ELP4: variants seen among roughly 807,000 people sequenced by gnomAD.
ELP4 encodes the protein elongator acetyltransferase complex subunit 4.
A neutral mutation model predicts 48.9 loss-of-function variants in ELP4; 51 were observed. That is an observed-to-expected ratio of 1.04 (90% confidence interval 0.83 to 1.32). The LOEUF (loss-of-function observed/expected upper bound fraction) is 1.32. Ranked by LOEUF, ELP4 falls within the 40% of genes most tolerant of loss-of-function variation. The pLI, the probability that ELP4 is intolerant of heterozygous loss-of-function variation, is 0.00. For synonymous variants in ELP4, 210 were observed against 189.2 expected, an observed-to-expected ratio of 1.11 and a Z score of -0.90; for missense variants, 519 against 514.6, an observed-to-expected ratio of 1.01 and a Z score of -0.08.
chr11:31,592,010 T>C (rs1307975015), intron 3 of ELP4, among the ~76,000 whole-genome samples: 1 of 152,042 alleles, frequency 6.6e-6, no homozygotes, highest in Non-Finnish European at 1.5e-5. Context: ...AGGTCACGTA[T>C]TGTATGGTTC....
In ELP4 at chr11:31,515,039, A is replaced by G. The variant is rs200589728; in HGVS notation, c.224-5017A>G. Reference sequence around the variant, plus strand: ...TGTGTGTGTGTGTGTGTGTGTATATATATATATATATATATATGTATAGGT... The same window carrying G: ...TGTGTGTGTGTGTGTGTGTGTATATGTATATATATATATATATGTATAGGT... On this transcript the variant is annotated intron_variant, in intron 1 of 9. Transcript: ENST00000640961. 1.0e-2 allele frequency among the ~76,000 whole-genome samples: 1,459 copies of G among 146,198 alleles called. 38 individuals are homozygous for G. The highest frequency in any genetic ancestry group is 0.071 in the East Asian group (359 of 5,052).
rs138339873 is a variant in ELP4, at chr11:31,750,925, G to A, written c.1144-32468G>A. On this transcript the variant is annotated intron_variant, in intron 9 of 9. Coordinates refer to ENST00000640961, the MANE Select transcript of ELP4 (RefSeq NM_019040.5). ...GCAGACATGCATTTAACTGAAATGT[G>A]CAGAAGAAACATTCCTTTTCTTAAC... 6.5e-4 allele frequency among the ~76,000 whole-genome samples: 99 copies of A among 152,294 alleles called. No homozygotes were observed. In the Middle Eastern group the frequency reaches 0.02, roughly 31 times the overall value.
In ELP4 at chr11:31,784,682, T is replaced by A. The variant is rs925775305; in HGVS notation, c.*1158T>A. 4 of 158,248 alleles carry A rather than the reference T, an allele frequency of 2.5e-5. No individual in the cohort carries two copies. Among genetic ancestry groups the A allele is most frequent in the African/African-American group, 9.6e-5 (4 of 41,704 alleles). The allele number at this position is 158,248 out of a possible 1,614,324, so 9.8% of individuals were successfully genotyped here. A position where few individuals can be genotyped will look rare whatever the true frequency, so the allele number is the denominator to read the frequency against. ...GCTTTTAATATACCACAAATTATACTTTATTTGTTCTTGACAACATTGTAG... is the reference window on the plus strand; with the variant it reads ...GCTTTTAATATACCACAAATTATACATTATTTGTTCTTGACAACATTGTAG... On this transcript the variant is annotated 3_prime_UTR_variant, in exon 10 of 10. Coordinates refer to ENST00000640961, the MANE Select transcript of ELP4 (RefSeq NM_019040.5).
intron 9 of ELP4, chr11:31,719,507 T>C (rs1312088407): frequency 2.5e-6 from 1 of 398,186 alleles, no homozygotes; most frequent in Non-Finnish European, 4.4e-6. Context: ...TTTCCAAACT[T>C]GAAGATTTGA....
At chr11:31,532,745 A>G (rs1275285454) in intron 2 of ELP4, among the ~76,000 whole-genome samples, 1 of 150,352 alleles carries the variant, frequency 6.7e-6, no homozygotes, top group Non-Finnish European at 1.5e-5. Flanking sequence ...CAGGGTGTAC[A>G]AGTACAGATT....
intron 9 of ELP4, among the ~76,000 whole-genome samples, chr11:31,747,441 A>T (rs1206288622): frequency 6.6e-6 from 1 of 152,158 alleles, no homozygotes; most frequent in Non-Finnish European, 1.5e-5. Context: ...AAGAGGTTTA[A>T]GTTACATAAA....
chr11:31,576,294 G>T (rs1162669210), intron 3 of ELP4, among the ~76,000 whole-genome samples: 1 of 152,196 alleles, frequency 6.6e-6, no homozygotes, highest in Non-Finnish European at 1.5e-5. Flanking sequence ...CATAAAGCAA[G>T]TCCTTAGAGA....
intron 3 of ELP4, among the ~76,000 whole-genome samples, chr11:31,594,380 T>C (rs1304330291): frequency 1.3e-5 from 2 of 152,122 alleles, no homozygotes; most frequent in African/African-American, 2.4e-5. Context: ...AATAAGCAGA[T>C]TGTGCAAATG....
At chr11:31,743,154 C>T (rs1947496776) in intron 9 of ELP4, among the ~76,000 whole-genome samples, 1 of 151,792 alleles carries the variant, frequency 6.6e-6, no homozygotes, top group African/African-American at 2.4e-5. Flanking sequence ...GAGACAAGAC[C>T]ATTACATAAT....
intron 9 of ELP4, among the ~76,000 whole-genome samples, chr11:31,678,056 A>G (rs1346039918): frequency 1.3e-5 from 2 of 151,720 alleles, no homozygotes; most frequent in Non-Finnish European, 2.9e-5. Flanking sequence ...ACAACTATTG[A>G]TCTTTTTACT....
chr11:31,542,346 T>C (rs996098914), intron 3 of ELP4, among the ~76,000 whole-genome samples: 1 of 152,148 alleles, frequency 6.6e-6, no homozygotes, highest in Non-Finnish European at 1.5e-5. Flanking sequence ...GAGGTATGCA[T>C]CGAGTGAGTT....
chr11:31,787,653 T>A lies in ELP4; in HGVS notation c.*4129T>A, dbSNP rs547544629. 4.3e-6 allele frequency: 1 copy of A among 231,812 alleles called. No individual in the cohort carries two copies. The highest frequency in any genetic ancestry group is 5.6e-5 in the Admixed American group (1 of 17,750). The allele number at this position is 231,812 out of a possible 1,614,324, so 14.4% of individuals were successfully genotyped here. On this transcript the variant is annotated 3_prime_UTR_variant, in exon 10 of 10. Coordinates refer to ENST00000640961, the MANE Select transcript of ELP4 (RefSeq NM_019040.5). ...TCACTCCCCTGCAGAAATGTGCTGC[T>A]GTGCAGTGCAGGCTGACACTGAACA...
intron 4 of ELP4, among the ~76,000 whole-genome samples, chr11:31,603,365 G>C (rs1246266326): frequency 6.6e-6 from 1 of 151,472 alleles, no homozygotes; most frequent in Non-Finnish European, 1.5e-5. Flanking sequence ...GAATTAATTG[G>C]GTTTAAGTTT....
intron 9 of ELP4, among the ~76,000 whole-genome samples, chr11:31,742,121 C>T (rs1017795835): frequency 4.3e-4 from 65 of 151,964 alleles, no homozygotes; most frequent in Admixed American, 8.5e-4. Flanking sequence ...GTAGCCGATG[C>T]GATTAACTGG....
At chr11:31,763,537 T>C in intron 9 of ELP4, 1 of 1,609,508 alleles carries the variant, frequency 6.2e-7, no homozygotes, top group Non-Finnish European at 8.5e-7. Flanking sequence ...TTTAATGAGC[T>C]TCCTTGCAAA....
At chr11:31,602,914 T>C (rs1957808060) in intron 4 of ELP4, among the ~76,000 whole-genome samples, 1 of 151,916 alleles carries the variant, frequency 6.6e-6, no homozygotes, top group Admixed American at 6.6e-5. Flanking sequence ...TTTTGGATAG[T>C]GATGTATATA....
At chr11:31,771,199 A>G (rs1948134545) in intron 9 of ELP4, among the ~76,000 whole-genome samples, 1 of 152,180 alleles carries the variant, frequency 6.6e-6, no homozygotes, top group Admixed American at 6.5e-5. Context: ...CACTCCCCAC[A>G]GAAGGAGGGT....
intron 9 of ELP4, among the ~76,000 whole-genome samples, chr11:31,776,512 A>C (rs1948251328): frequency 6.6e-6 from 1 of 152,242 alleles, no homozygotes; most frequent in South Asian, 2.1e-4. Context: ...GAAAAGGAGA[A>C]TAGATTTTGG....
At chr11:31,602,988 T>C (rs755577457) in intron 4 of ELP4, among the ~76,000 whole-genome samples, 1 of 151,938 alleles carries the variant, frequency 6.6e-6, no homozygotes, top group Non-Finnish European at 1.5e-5. Context: ...GTAATAATAA[T>C]GTTATGTTAG....
Sources: allele counts gnomAD v4.1 joint callset (sites outside exome capture counted in the v4.1 genomes callset), GRCh38; gene constraint gnomAD v4.1.1; transcripts MANE v1.5; gene names NCBI Gene and HGNC (gene_info 2026-07-23, HGNC 2026-07-21).